MAP4: variants seen among roughly 807,000 people sequenced by gnomAD.
MAP4 encodes the protein microtubule associated protein 4.
A neutral mutation model predicts 170.2 loss-of-function variants in MAP4; 76 were observed. That is an observed-to-expected ratio of 0.45 (90% CI 0.37 to 0.54). The LOEUF (loss-of-function observed/expected upper bound fraction) is 0.54, where lower values mean the gene tolerates loss of function less well. Among genes scored for constraint, MAP4 ranks in the 20% least tolerant of loss-of-function variants. The pLI is 0.00. For missense variants in MAP4, 2,506 were observed against 2,748.0 expected, an observed-to-expected ratio of 0.91 and a Z score of 1.97; for synonymous variants, 909 against 994.5, an observed-to-expected ratio of 0.91 and a Z score of 1.62.
At chr3:48,036,271 T>C (rs2100118670) in intron 1 of MAP4, among the ~76,000 whole-genome samples, 1 of 152,116 alleles carries the variant, frequency 6.6e-6, no homozygotes, top group South Asian at 2.1e-4. Flanking sequence ...AGTTTAATTG[T>C]TTATAACGCT....
At chr3:47,863,279 TA>T (rs2071554877) in intron 17 of MAP4, among the ~76,000 whole-genome samples, 1 of 152,188 alleles carries the variant, frequency 6.6e-6, no homozygotes, top group Non-Finnish European at 1.5e-5. Context: ...CCCAGCCCAG[TA>T]AAAAGTTTTA....
intron 3 of MAP4, among the ~76,000 whole-genome samples, chr3:47,970,130 C>A (rs2100077697): frequency 6.6e-6 from 1 of 152,216 alleles, no homozygotes; most frequent in African/African-American, 2.4e-5. Context: ...TACCTACATG[C>A]AAAGCCCTTG....
rs2100035777 is a variant in MAP4, at chr3:47,911,147, T to C, written c.3274A>G (p.Lys1092Glu). The change falls in exon 9 of 21, where the codon AAG (lysine) becomes GAG (glutamate). Residue 1092 changes from lysine (K) to glutamate (E), a missense_variant. Physicochemically the swap from Lys to Glu is moderately conservative, Grantham distance 56. Transcript: ENST00000683076. The surrounding 1 kb of genome is among the most constrained non-coding windows in gnomAD (Gnocchi z 4.0). ...SELPFLLDSQ[K>E]DGRAVLIPSE... ...GGTATGAGAACAGCCCTTCCGTCCT[T>C]CTGGCTGTCCAGAAGAAATGGCAGC... 1 of 1,536,156 alleles carries C rather than the reference T, an allele frequency of 6.5e-7. No homozygotes were observed. The highest frequency in any genetic ancestry group is 2.0e-5 in the Admixed American group (1 of 50,998).
chr3:47,896,300 C>T (rs1268582125), intron 10 of MAP4, among the ~76,000 whole-genome samples: 6 of 152,110 alleles, frequency 3.9e-5, no homozygotes, highest in Non-Finnish European at 5.9e-5. Context: ...GAGGCCGAGG[C>T]GGGAGGATCA....
intron 1 of MAP4, among the ~76,000 whole-genome samples, chr3:48,074,366 G>C (rs1295209605): frequency 6.7e-6 from 1 of 150,044 alleles, no homozygotes; most frequent in Non-Finnish European, 1.5e-5. Flanking sequence ...TAAATGATGA[G>C]TTAATGGGTG....
chr3:48,042,130 T>C (rs1385019728), intron 1 of MAP4, among the ~76,000 whole-genome samples: 1 of 152,230 alleles, frequency 6.6e-6, no homozygotes, highest in Non-Finnish European at 1.5e-5. Context: ...CACCAATTTA[T>C]AGCCAGTCAG....
intron 4 of MAP4, among the ~76,000 whole-genome samples, chr3:47,926,958 A>G (rs1234586938): frequency 6.6e-6 from 1 of 152,048 alleles, no homozygotes; most frequent in East Asian, 1.9e-4. Context: ...TGAGGTCAGG[A>G]GTTTGAGATC....
intron 3 of MAP4, chr3:47,960,813 G>A: frequency 5.5e-6 from 1 of 183,386 alleles, no homozygotes. Flanking sequence ...CTCCAGGTAA[G>A]GCTAGTTCTT....
rs148375242 is a variant in MAP4 at position 47,990,295 on chromosome 3, T to C, written c.223+8343A>G. Reference sequence around the variant, plus strand: ...GCATGTGTATCCGAGTCACCTATTATGGCTTGTTAAAACAGACTGCTGGTG... The same window carrying C: ...GCATGTGTATCCGAGTCACCTATTACGGCTTGTTAAAACAGACTGCTGGTG... On this transcript the variant is annotated intron_variant, in intron 2 of 20. Coordinates refer to ENST00000683076, the MANE Select transcript of MAP4 (RefSeq NM_001385682.1). Among the ~76,000 whole-genome samples the C allele has an allele frequency of 5.9e-5, 9 of 152,336 alleles. No individual in the cohort carries two copies. In the East Asian group the frequency reaches 1.7e-3, roughly 29 times the overall value.
chr3:48,071,359 T>A (rs930340719), intron 1 of MAP4, among the ~76,000 whole-genome samples: 1 of 151,324 alleles, frequency 6.6e-6, no homozygotes, highest in Admixed American at 6.6e-5. Context: ...CTGGGCAACA[T>A]AGTGAAACCC....
At chr3:47,895,055 TTGTAATACAGTCTGAATATACCA>T (rs998568594) in intron 10 of MAP4, among the ~76,000 whole-genome samples, 3 of 151,422 alleles carry the variant, frequency 2.0e-5, no homozygotes, top group African/African-American at 7.3e-5. Context: ...GAAGATATTG[TTGTAATACAGTCTGAATATACCA>T]GAGGAAAACT....
intron 10 of MAP4, chr3:47,892,765 T>C: frequency 7.9e-7 from 1 of 1,265,798 alleles, no homozygotes; most frequent in South Asian, 2.0e-5. Context: ...GAGAATGTAA[T>C]TTCCCGTGAA....
chr3:47,852,134 AGC>A lies in MAP4; in HGVS notation c.*798_*799del, dbSNP rs1304939979. 6.6e-6 allele frequency: 1 copy of A among 152,388 alleles called. No individual in the cohort carries two copies. Among genetic ancestry groups the A allele is most frequent in the African/African-American group, 2.4e-5 (1 of 41,450 alleles). 9.4% of individuals were successfully genotyped at this position (152,388 alleles called of 1,614,324 possible). A position where few individuals can be genotyped will look rare whatever the true frequency, so the allele number is the denominator to read the frequency against. On this transcript the variant is annotated 3_prime_UTR_variant, in exon 21 of 21. Transcript: ENST00000683076. Reference sequence around the variant, plus strand: ...GGGCCCTAAGCTGCCCACATCCTCCAGCGGGGGTGGCATAAGGATATCTCCGC... The same window carrying A: ...GGGCCCTAAGCTGCCCACATCCTCCAGGGGGTGGCATAAGGATATCTCCGC...
At chr3:47,886,136 A>G (rs1262908625) in intron 10 of MAP4, among the ~76,000 whole-genome samples, 3 of 152,242 alleles carry the variant, frequency 2.0e-5, no homozygotes, top group South Asian at 4.1e-4. Context: ...ATTTTTCAGT[A>G]AACAACATAT....
upstream of MAP4, among the ~76,000 whole-genome samples, chr3:48,018,577 G>A (rs1378637728): frequency 1.3e-5 from 2 of 152,080 alleles, no homozygotes; most frequent in Non-Finnish European, 2.9e-5. Flanking sequence ...AGGCTGAGGT[G>A]GGTGGATTAT....
chr3:47,877,392 A>C (rs1360335861), intron 11 of MAP4, 25 bp downstream of exon 11: 8 of 1,544,532 alleles, frequency 5.2e-6, no homozygotes, highest in South Asian at 2.2e-5. Flanking sequence ...TGGCAGTAGA[A>C]GATAACCACC....
intron 10 of MAP4, chr3:47,891,399 C>A: frequency 6.5e-7 from 1 of 1,535,940 alleles, no homozygotes; most frequent in South Asian, 1.2e-5. Context: ...TTGTAGCTAG[C>A]TGTCTGTTCC....
intron 4 of MAP4, among the ~76,000 whole-genome samples, chr3:47,922,911 G>C (rs912870216): frequency 6.6e-6 from 1 of 152,082 alleles, no homozygotes; most frequent in African/African-American, 2.4e-5. Flanking sequence ...TTAGTCAGGC[G>C]TGGTGGCACG....
At chr3:48,075,681 A>G (rs1320241758) in intron 1 of MAP4, among the ~76,000 whole-genome samples, 2 of 151,824 alleles carry the variant, frequency 1.3e-5, no homozygotes, top group African/African-American at 4.8e-5. Context: ...AAACAAATGA[A>G]AAAGATTTTG....
Sources: gnomAD v4.1 joint callset for allele counts (sites outside exome capture counted in the v4.1 genomes callset) on GRCh38, gnomAD v4.1.1 for gene constraint, Gnocchi (gnomAD v3.1) non-coding constraint, MANE v1.5 for transcripts, NCBI Gene and HGNC (gene_info 2026-07-23, HGNC 2026-07-21) for gene names.